THSD7A: variants seen among roughly 807,000 people sequenced by gnomAD.
THSD7A encodes the protein thrombospondin type-1 domain-containing protein 7A.
A neutral mutation model predicts 231.3 loss-of-function variants in THSD7A; 96 were observed. That is an observed-to-expected ratio of 0.41 (90% CI 0.35 to 0.49). The LOEUF (loss-of-function observed/expected upper bound fraction) is 0.49. Among genes scored for constraint, THSD7A ranks in the 20% least tolerant of loss-of-function variants. The probability of loss-of-function intolerance (pLI) is 0.05; values close to 1 mark genes in which losing one functional copy is unlikely to be tolerated. For synonymous variants in THSD7A, 940 were observed against 743.3 expected, an observed-to-expected ratio of 1.26 and a Z score of -4.30; for missense variants, 2,290 against 2,070.2, an observed-to-expected ratio of 1.11 and a Z score of -2.06.
chr7:11,540,725 G>A, intron 6 of THSD7A, among the ~76,000 whole-genome samples: 1 of 152,140 alleles, frequency 6.6e-6, no homozygotes, highest in East Asian at 1.9e-4. Flanking sequence ...CTCTTTGGAA[G>A]GAAGGTAAAA....
chr7:11,747,874 TA>T (rs1782362584), intron 1 of THSD7A, among the ~76,000 whole-genome samples: 2 of 151,842 alleles, frequency 1.3e-5, no homozygotes, highest in Non-Finnish European at 2.9e-5. Context: ...GATCAAAGTG[TA>T]TAAAAAGGCA....
intron 1 of THSD7A, among the ~76,000 whole-genome samples, chr7:11,747,875 A>G (rs1487721166): frequency 6.6e-6 from 1 of 151,940 alleles, no homozygotes; most frequent in Non-Finnish European, 1.5e-5. Context: ...ATCAAAGTGT[A>G]TAAAAAGGCA....
chr7:11,539,526 T>C (rs1789052949), intron 6 of THSD7A, among the ~76,000 whole-genome samples: 1 of 152,224 alleles, frequency 6.6e-6, no homozygotes, highest in Non-Finnish European at 1.5e-5. Context: ...TCAATTTGCT[T>C]TTTAGGTTAT....
intron 6 of THSD7A, among the ~76,000 whole-genome samples, chr7:11,490,053 T>C (rs1786824202): frequency 1.3e-5 from 2 of 152,044 alleles, no homozygotes; most frequent in South Asian, 4.1e-4. Flanking sequence ...CTGTCACTTT[T>C]TAAAATCTCA....
At chr7:11,666,070 GAAAT>G (rs1783118086) in intron 1 of THSD7A, among the ~76,000 whole-genome samples, 1 of 152,018 alleles carries the variant, frequency 6.6e-6, no homozygotes, top group Admixed American at 6.6e-5. Context: ...AATTTTGTAA[GAAAT>G]AAATTAAAAT....
intron 1 of THSD7A, among the ~76,000 whole-genome samples, chr7:11,783,520 G>A (rs1783696904): frequency 6.6e-6 from 1 of 152,168 alleles, no homozygotes; most frequent in African/African-American, 2.4e-5. Context: ...GGGAGTTGAA[G>A]TATAATTTTA....
chr7:11,610,127 T>A (rs1780872834), intron 2 of THSD7A, among the ~76,000 whole-genome samples: 1 of 152,154 alleles, frequency 6.6e-6, no homozygotes, highest in Non-Finnish European at 1.5e-5. Flanking sequence ...ATTAATAACT[T>A]TTTTAGTAGT....
intron 4 of THSD7A, among the ~76,000 whole-genome samples, chr7:11,581,840 T>TG (rs1201298859): frequency 1.3e-5 from 2 of 152,094 alleles, no homozygotes; most frequent in African/African-American, 4.8e-5. Context: ...AATATGATTT[T>TG]TACCATGCTT....
At chr7:11,706,050 G>A (rs558564652) in intron 1 of THSD7A, among the ~76,000 whole-genome samples, 99 of 151,006 alleles carry the variant, frequency 6.6e-4, no homozygotes, top group Middle Eastern at 6.8e-3. Flanking sequence ...AGCCACATTC[G>A]TCTGGTTCTT....
At chr7:11,587,671 G>A (rs6959645) in intron 4 of THSD7A, among the ~76,000 whole-genome samples, 114,847 of 152,068 alleles carry the variant, frequency 0.76, 44,522 homozygotes, top group African/African-American at 0.94. Context: ...TATTAACTCC[G>A]AGGATAAGAA....
In THSD7A at chr7:11,379,225, G is replaced by T; in HGVS notation, c.4646C>A (p.Thr1549Asn). ...GGGGATAAGTGTGCATTGCTCAAGG[G>T]TGCTGTTAGAAGACATGACTTCAGT... ...GYTEVMSSNS[T>N]LEQCTLIPVV... The change falls in exon 26 of 28, where the codon ACC becomes AAC. Residue 1549 changes from threonine to asparagine, a missense_variant. Transcript: ENST00000423059. 1 of 1,613,632 alleles carries T rather than the reference G, an allele frequency of 6.2e-7. No homozygotes were observed. Among genetic ancestry groups the T allele is most frequent in the Non-Finnish European group, 8.5e-7 (1 of 1,179,634 alleles).
intron 6 of THSD7A, among the ~76,000 whole-genome samples, chr7:11,521,353 C>A (rs1185219365): frequency 1.3e-5 from 2 of 151,992 alleles, no homozygotes; most frequent in Non-Finnish European, 1.5e-5. Flanking sequence ...AACTTTGTGA[C>A]CACTAATTTT....
chr7:11,659,459 T>C (rs1337470976), intron 1 of THSD7A, among the ~76,000 whole-genome samples: 3 of 151,618 alleles, frequency 2.0e-5, no homozygotes, highest in African/African-American at 7.2e-5. Flanking sequence ...AAACTTATAT[T>C]GTATTTCATT....
chr7:11,607,401 C>T (rs1448091688), intron 2 of THSD7A, among the ~76,000 whole-genome samples: 2 of 151,940 alleles, frequency 1.3e-5, no homozygotes. Flanking sequence ...TCATTCTGTC[C>T]CACAGTTTTT....
intron 6 of THSD7A, among the ~76,000 whole-genome samples, chr7:11,508,797 G>A (rs1787667803): frequency 6.6e-6 from 1 of 152,168 alleles, no homozygotes; most frequent in African/African-American, 2.4e-5. Flanking sequence ...GCAATAACAT[G>A]GATTAATCTT....
chr7:11,599,654 A>T (rs1002301120), intron 2 of THSD7A, among the ~76,000 whole-genome samples: 1 of 152,096 alleles, frequency 6.6e-6, no homozygotes, highest in Non-Finnish European at 1.5e-5. Context: ...CATAATTATG[A>T]CCTTACTATT....
At chr7:11,562,576 A>T (rs419) in intron 4 of THSD7A, among the ~76,000 whole-genome samples, 90,676 of 152,018 alleles carry the variant, frequency 0.6, 27,280 homozygotes, top group Middle Eastern at 0.67. Context: ...TAATTCACAA[A>T]TACAAGGAAA....
At chr7:11,490,306 T>C (rs1291431801) in intron 6 of THSD7A, among the ~76,000 whole-genome samples, 18 of 152,140 alleles carry the variant, frequency 1.2e-4, no homozygotes, top group Admixed American at 1.2e-3. Flanking sequence ...AATCCAATCA[T>C]AACTTTGCAT....
chr7:11,636,435 C>G lies in THSD7A; in HGVS notation c.717G>C (p.Gln239His). The G allele has an allele frequency of 6.2e-7, 1 of 1,613,718 alleles. No individual in the cohort carries two copies. Among genetic ancestry groups the G allele is most frequent in the Non-Finnish European group, 8.5e-7 (1 of 1,179,852 alleles). ...CCTCGCATGGACTGGATTGGCACAC[C>G]TGGAACTCCGTCAGGTTTGGACAGC... ...GSGCPNLTEF[Q>H]VCQSSPCEAE... is the part of the protein sequence containing the mutation. The change falls in exon 2 of 28, where the codon CAG (glutamine) becomes CAC (histidine). Residue 239 changes from glutamine to histidine, a missense_variant. Gln to His is a conservative substitution (Grantham distance 24). Transcript: ENST00000423059. The surrounding 1 kb of genome is among the most constrained non-coding windows in gnomAD (Gnocchi z 10.0).
Sources: gnomAD v4.1 joint callset for allele counts (sites outside exome capture counted in the v4.1 genomes callset) on GRCh38, gnomAD v4.1.1 for gene constraint, Gnocchi (gnomAD v3.1) non-coding constraint, MANE v1.5 for transcripts, NCBI Gene and HGNC (gene_info 2026-07-23, HGNC 2026-07-21) for gene names.